Variants in PSMD9 observed in about 807,000 individuals in gnomAD.
PSMD9 encodes proteasome 26S subunit, non-ATPase 9.
In PSMD9, 26 loss-of-function variants were observed where a neutral mutation model predicts 25.9. That is an observed-to-expected ratio of 1.00 (90% confidence interval 0.73 to 1.39). The LOEUF (loss-of-function observed/expected upper bound fraction) is 1.39, where lower values mean the gene tolerates loss of function less well. Ranked by LOEUF, PSMD9 falls within the 40% of genes most tolerant of loss-of-function variation. The pLI is 0.00. For missense variants in PSMD9, 303 were observed against 299.3 expected, an observed-to-expected ratio of 1.01 and a Z score of -0.09; for synonymous variants, 110 against 114.5, an observed-to-expected ratio of 0.96 and a Z score of 0.25.
intron 2 of PSMD9, 100 bp from the exon 3 acceptor site, chr12:121,899,534 G>C: frequency 8.9e-7 from 1 of 1,120,226 alleles, no homozygotes; most frequent in Non-Finnish European, 1.3e-6. Context: ...CTCCACATCT[G>C]GCATGTAATA....
intron 1 of PSMD9, 24 bp from the exon 2 acceptor site, chr12:121,894,715 T>G: frequency 1.2e-6 from 2 of 1,608,904 alleles, no homozygotes; most frequent in Non-Finnish European, 1.7e-6. Flanking sequence ...ATGAGCACCT[T>G]TTAACCACGT....
At chr12:121,915,324 C>CAAAAAA in intron 4 of PSMD9, 1 of 133,490 alleles carries the variant, frequency 7.5e-6, no homozygotes, top group Non-Finnish European at 1.6e-5. Flanking sequence ...GACTGTGTCT[C>CAAAAAA]AAAAAAAAAA....
intron 1 of PSMD9, among the ~76,000 whole-genome samples, chr12:121,890,614 C>T (rs1012042368): frequency 2.6e-5 from 4 of 151,970 alleles, no homozygotes; most frequent in African/African-American, 7.2e-5. Flanking sequence ...ACTGCAGGTA[C>T]GTGCCACCAC....
intron 1 of PSMD9, 173 bp from the exon 2 acceptor site, chr12:121,894,566 C>T: frequency 5.0e-6 from 3 of 594,736 alleles, no homozygotes; most frequent in East Asian, 5.7e-5. Context: ...ACACAGTGCC[C>T]ACCCCAGGGT....
intron 1 of PSMD9, among the ~76,000 whole-genome samples, chr12:121,891,882 G>T (rs1879091728): frequency 7.2e-6 from 1 of 138,912 alleles, no homozygotes; most frequent in South Asian, 2.3e-4. Flanking sequence ...CTCCAGCCTG[G>T]GTGACAGAGA....
At chr12:121,904,197 G>T (rs1334827537) in intron 4 of PSMD9, among the ~76,000 whole-genome samples, 2 of 151,560 alleles carry the variant, frequency 1.3e-5, no homozygotes, top group African/African-American at 2.4e-5. Flanking sequence ...TTAAAATGAT[G>T]ATTTTGTGAA....
intron 1 of PSMD9, among the ~76,000 whole-genome samples, chr12:121,891,266 C>A (rs1299024915): frequency 1.5e-5 from 2 of 132,688 alleles, no homozygotes; most frequent in Non-Finnish European, 3.1e-5. Flanking sequence ...ACTGCACTCT[C>A]TTGTGGGTGA....
At chr12:121,909,299 G>A (rs992979454) in intron 4 of PSMD9, among the ~76,000 whole-genome samples, 35 of 150,572 alleles carry the variant, frequency 2.3e-4, no homozygotes, top group African/African-American at 7.9e-4. Context: ...GGGTGCATGC[G>A]TCTACAGCCA....
At chr12:121,899,335 A>G (rs1164414258) in intron 2 of PSMD9, 2 of 384,138 alleles carry the variant, frequency 5.2e-6, no homozygotes, top group Non-Finnish European at 9.8e-6. Flanking sequence ...CTCACCCGAG[A>G]CAGCACTGCC....
At chr12:121,914,198 A>ATTTGTAAT (rs1337251890) in intron 4 of PSMD9, 6 of 151,996 alleles carry the variant, frequency 3.9e-5, no homozygotes, top group African/African-American at 1.4e-4. Context: ...TCGTATTTTA[A>ATTTGTAAT]TTTGTAATTT....
Position 121,894,637 on chromosome 12 carries a change from A to G in PSMD9, c.139-102A>G, listed in dbSNP as rs1879178343. 26 of 978,842 alleles carry G rather than the reference A, an allele frequency of 2.7e-5. 1 individual carries two copies. The South Asian group carries it at 3.2e-4, about 12-fold the overall frequency. The allele number at this position is 978,842 out of a possible 1,614,324, so 60.6% of individuals were successfully genotyped here. A position where few individuals can be genotyped will look rare whatever the true frequency, so the allele number is the denominator to read the frequency against. On this transcript the variant is annotated intron_variant, in intron 1 of 5. Coordinates refer to ENST00000541212, the MANE Select transcript of PSMD9 (RefSeq NM_002813.7). The stretch of plus-strand genomic sequence containing the variant: ...TGATCAGTATGTGGCAGTTTTCATT[A>G]CTGTCACCTTTATTATGACTTCAGA...
rs538202536 is a variant in PSMD9, at chr12:121,907,834, G to T, written c.555+4727G>T. Among the ~76,000 whole-genome samples, 114 of 152,286 alleles carry T rather than the reference G, an allele frequency of 7.5e-4. 1 individual carries two copies. The highest frequency in any genetic ancestry group is 2.7e-3 in the African/African-American group (113 of 41,546). On this transcript the variant is annotated intron_variant, in intron 4 of 5. Coordinates refer to ENST00000541212, the MANE Select transcript of PSMD9 (RefSeq NM_002813.7). ...GCAGGAGGATCACTTGAGGCCAGGA[G>T]TTTGAGACCAGCCTGGGCAATATTG...
intron 3 of PSMD9, 151 bp from the exon 4 acceptor site, chr12:121,902,855 A>T: frequency 1.6e-6 from 1 of 614,124 alleles, no homozygotes; most frequent in Admixed American, 2.6e-5. Flanking sequence ...TTCCTGCATG[A>T]GGTGTCTACA....
chr12:121,909,476 G>T (rs1413710291), intron 4 of PSMD9, among the ~76,000 whole-genome samples: 1 of 151,674 alleles, frequency 6.6e-6, no homozygotes, highest in East Asian at 1.9e-4. Context: ...ACCACACCTG[G>T]CTAATTTTTT....
intron 4 of PSMD9, among the ~76,000 whole-genome samples, chr12:121,907,925 T>C (rs1879608958): frequency 6.6e-6 from 1 of 152,100 alleles, no homozygotes; most frequent in Non-Finnish European, 1.5e-5. Flanking sequence ...GTGGCCAAGC[T>C]GCTCTGGAGG....
chr12:121,891,697 G>A (rs1243956499), intron 1 of PSMD9, among the ~76,000 whole-genome samples: 1 of 151,534 alleles, frequency 6.6e-6, no homozygotes, highest in African/African-American at 2.4e-5. Context: ...CTTGAGGTCA[G>A]GAGTCCGAGA....
At chr12:121,894,353 C>A in intron 1 of PSMD9, 1 of 183,244 alleles carries the variant, frequency 5.5e-6, no homozygotes, top group South Asian at 9.9e-5. Flanking sequence ...TGGGTGCTGT[C>A]TGGGCTTTTC....
chr12:121,890,905 C>T (rs910978851), intron 1 of PSMD9, among the ~76,000 whole-genome samples: 1 of 151,896 alleles, frequency 6.6e-6, no homozygotes, highest in African/African-American at 2.4e-5. Context: ...GCTGCTGTTG[C>T]TTGCTGAAAG....
chr12:121,891,366 C>T lies in PSMD9; in HGVS notation c.138+2372C>T, dbSNP rs1240132949. ...CTCTAATCCCAGCACTTTGGGAGGC[C>T]GAGGCGGGCGGATCACGAGGTCAGG... On this transcript the variant is annotated intron_variant, in intron 1 of 5. Coordinates refer to ENST00000541212, the MANE Select transcript of PSMD9 (RefSeq NM_002813.7). Among the ~76,000 whole-genome samples the T allele has an allele frequency of 2.7e-5, 4 of 146,480 alleles. No homozygotes were observed. The East Asian group carries it at 6.2e-4, about 23-fold the overall frequency.
Sources: allele counts gnomAD v4.1 joint callset (sites outside exome capture counted in the v4.1 genomes callset), GRCh38; gene constraint gnomAD v4.1.1; transcripts MANE v1.5; gene names NCBI Gene and HGNC (gene_info 2026-07-23, HGNC 2026-07-21).